The following CHD6 variants were observed in gnomAD, a reference collection of about 807,000 sequenced individuals.
CHD6 encodes ATP-dependent chromatin remodeler CHD6.
In CHD6, 50 loss-of-function variants were observed where a neutral mutation model predicts 276.9. That is an observed-to-expected ratio of 0.18 (90% confidence interval 0.14 to 0.23). The LOEUF is 0.23. Among genes scored for constraint, CHD6 ranks in the 10% least tolerant of loss-of-function variants. The pLI, the probability that CHD6 is intolerant of heterozygous loss-of-function variation, is 1.00. For missense variants in CHD6, 2,564 were observed against 3,365.8 expected, an observed-to-expected ratio of 0.76 and a Z score of 5.89; for synonymous variants, 1,173 against 1,229.3, an observed-to-expected ratio of 0.95 and a Z score of 0.96.
intron 14 of CHD6, among the ~76,000 whole-genome samples, chr20:41,485,275 G>A (rs892799081): frequency 1.3e-5 from 2 of 152,252 alleles, no homozygotes; most frequent in East Asian, 3.9e-4. Flanking sequence ...CCAGCAAGGT[G>A]ACTTGTTCCC....
In CHD6 at chr20:41,447,925, G is replaced by A. The variant is rs1406322618; in HGVS notation, c.3730C>T (p.Leu1244=). Residue 1244 remains leucine (L), a synonymous_variant, in exon 24 of 37, where the codon CTG becomes TTG. Transcript: ENST00000373233. ...AATGCTTTCTCAGCTGCTTCTCCCA[G>A]TATTTCAGCTTTTAGGTAGTACAGC... ...RMLYYLKAEI[L]GEAAEKAFEG... 6.2e-7 allele frequency: 1 copy of A among 1,612,214 alleles called. No homozygotes were observed. Among genetic ancestry groups the A allele is most frequent in the Non-Finnish European group, 8.5e-7 (1 of 1,179,116 alleles).
intron 1 of CHD6, among the ~76,000 whole-genome samples, chr20:41,593,180 G>A (rs2045681004): frequency 7.9e-6 from 1 of 127,000 alleles, no homozygotes; most frequent in African/African-American, 2.9e-5. Flanking sequence ...TGCCAACACT[G>A]TTTAACTCAG....
chr20:41,545,461 T>C (rs540160591), intron 2 of CHD6, among the ~76,000 whole-genome samples: 7 of 152,158 alleles, frequency 4.6e-5, no homozygotes, highest in Non-Finnish European at 1.0e-4. Context: ...GAAACATGAT[T>C]CTAGGGTGAG....
At chr20:41,579,779 C>T (rs2045516569) in intron 1 of CHD6, among the ~76,000 whole-genome samples, 1 of 152,178 alleles carries the variant, frequency 6.6e-6, no homozygotes, top group Admixed American at 6.5e-5. Flanking sequence ...AAACTGACCA[C>T]TAAAACATGT....
chr20:41,604,018 G>C (rs2045800855), intron 1 of CHD6, among the ~76,000 whole-genome samples: 1 of 151,476 alleles, frequency 6.6e-6, no homozygotes, highest in African/African-American at 2.4e-5. Flanking sequence ...GTATAGGAAG[G>C]GTGGGGGTGG....
chr20:41,541,597 C>T (rs1315323483), intron 2 of CHD6, among the ~76,000 whole-genome samples: 1 of 152,144 alleles, frequency 6.6e-6, no homozygotes, highest in Non-Finnish European at 1.5e-5. Flanking sequence ...GAAGAACCTA[C>T]AGAGTGAGAA....
intron 2 of CHD6, among the ~76,000 whole-genome samples, chr20:41,545,258 A>C (rs1214429874): frequency 2.0e-5 from 3 of 152,204 alleles, no homozygotes; most frequent in Admixed American, 2.0e-4. Flanking sequence ...ACATGAAATA[A>C]ATCAGCGTTA....
chr20:41,519,449 T>C (rs1216078457), intron 3 of CHD6, among the ~76,000 whole-genome samples: 1 of 152,228 alleles, frequency 6.6e-6, no homozygotes, highest in African/African-American at 2.4e-5. Context: ...TACAACATTT[T>C]TTGGTAATTG....
chr20:41,430,742 A>G (rs974718260), intron 27 of CHD6, among the ~76,000 whole-genome samples: 2 of 152,190 alleles, frequency 1.3e-5, no homozygotes, highest in Middle Eastern at 3.2e-3. Context: ...ATATGAGAAT[A>G]AGGTATTATG....
At chr20:41,614,191 C>T (rs1460103448) in intron 1 of CHD6, among the ~76,000 whole-genome samples, 1 of 152,182 alleles carries the variant, frequency 6.6e-6, no homozygotes, top group Non-Finnish European at 1.5e-5. Context: ...TCTCCCTTTA[C>T]TTATTTAGAA....
Position 41,402,181 on chromosome 20 carries a change from C to A in CHD6, c.*2412G>T, listed in dbSNP as rs936178889. The A allele has an allele frequency of 9.4e-6, 2 of 211,924 alleles. No individual in the cohort carries two copies. The highest frequency in any genetic ancestry group is 1.9e-5 in the Non-Finnish European group (2 of 104,742). 13.1% of individuals were successfully genotyped at this position (211,924 alleles called of 1,614,324 possible). A position where few individuals can be genotyped will look rare whatever the true frequency, so the allele number is the denominator to read the frequency against. ...AAGAATGGTCAAGGAAAGTTATGGC[C>A]GTGAGTGACATGGAATTAGATGAAA... On this transcript the variant is annotated 3_prime_UTR_variant, in exon 37 of 37. Coordinates refer to ENST00000373233, the MANE Select transcript of CHD6 (RefSeq NM_032221.5).
chr20:41,419,101 A>G lies in CHD6; in HGVS notation c.6127+1407T>C, dbSNP rs372312901. 9.2e-5 allele frequency among the ~76,000 whole-genome samples: 14 copies of G among 152,276 alleles called. 1 individual carries two copies. In the South Asian group the frequency reaches 2.9e-3, roughly 32 times the overall value. ...CAATGCTTCGTGGCCTGCCATGAGG[A>G]GGATCAGGCATAGTTGTAGACTGGC... On this transcript the variant is annotated intron_variant, in intron 31 of 36. Transcript: ENST00000373233.
chr20:41,449,253 A>C (rs1360015292), intron 23 of CHD6, among the ~76,000 whole-genome samples: 1 of 152,176 alleles, frequency 6.6e-6, no homozygotes, highest in Non-Finnish European at 1.5e-5. Flanking sequence ...AACTCTTAAA[A>C]ATTTACAACC....
Position 41,440,056 on chromosome 20 carries a change from C to T in CHD6, c.3951G>A (p.Glu1317=). 6.2e-7 allele frequency: 1 copy of T among 1,614,062 alleles called. No homozygotes were observed. Among genetic ancestry groups the T allele is most frequent in the Non-Finnish European group, 8.5e-7 (1 of 1,179,948 alleles). ...CACCCTGTTCTGCAGAAAGGGACTT[C>T]TCATCGGGCATCCCAACTTTCTCCA... is the stretch of plus-strand genomic sequence containing the variant. The part of the protein sequence containing the change: ...CFLEKVGMPD[E]KSLSAEQGVT... Residue 1317 remains glutamate, a synonymous_variant, in exon 26 of 37, where the codon GAG becomes GAA. Coordinates refer to ENST00000373233, the MANE Select transcript of CHD6 (RefSeq NM_032221.5).
At chr20:41,615,675 T>C (rs1231241205) in intron 1 of CHD6, among the ~76,000 whole-genome samples, 4 of 152,262 alleles carry the variant, frequency 2.6e-5, no homozygotes, top group Admixed American at 2.6e-4. Context: ...TTTCTGCAGG[T>C]AGAATCTTTG....
At chr20:41,449,928 AG>A (rs1192628866) in intron 23 of CHD6, among the ~76,000 whole-genome samples, 2 of 152,212 alleles carry the variant, frequency 1.3e-5, no homozygotes, top group Non-Finnish European at 2.9e-5. Flanking sequence ...AACTTTTTAA[AG>A]GTTCTTTTGA....
chr20:41,445,144 C>T (rs2048025515), intron 25 of CHD6, among the ~76,000 whole-genome samples: 1 of 152,198 alleles, frequency 6.6e-6, no homozygotes, highest in South Asian at 2.1e-4. Flanking sequence ...TCTCAGTCCC[C>T]TTTAGTGGCT....
chr20:41,406,494 C>T (rs1028540957), intron 36 of CHD6, among the ~76,000 whole-genome samples: 4 of 152,314 alleles, frequency 2.6e-5, no homozygotes, highest in Non-Finnish European at 2.9e-5. Context: ...GAAGGCAGCA[C>T]GTGGAAAGGA....
intron 16 of CHD6, among the ~76,000 whole-genome samples, chr20:41,480,962 G>A (rs568326417): frequency 6.6e-6 from 1 of 152,144 alleles, no homozygotes; most frequent in East Asian, 1.9e-4. Flanking sequence ...AACATGAAAA[G>A]AAGAGCTGGG....
Sources: gnomAD v4.1 joint callset for allele counts (sites outside exome capture counted in the v4.1 genomes callset) on GRCh38, gnomAD v4.1.1 for gene constraint, MANE v1.5 for transcripts, NCBI Gene and HGNC (gene_info 2026-07-23, HGNC 2026-07-21) for gene names.